Variants in RNFT2 observed in about 807,000 individuals in gnomAD.
RNFT2 encodes E3 ubiquitin-protein ligase RNFT2.
RNFT2 carries 36 observed loss-of-function variants against 53.0 expected under a neutral mutation model. The observed-to-expected ratio is 0.68, with a 90% CI of 0.52 to 0.90. The LOEUF is 0.90. RNFT2 is among the 40% of genes least tolerant of loss of function. The pLI is 0.00. For synonymous variants in RNFT2, 260 were observed against 253.2 expected (o/e 1.03, Z -0.26); for missense variants, 514 against 585.6 (o/e 0.88, Z 1.26).
chr12:116,841,848 TATATATAAAAATATATATATAA>T (rs1877306001), intron 10 of RNFT2, among the ~76,000 whole-genome samples: 1 of 24,130 alleles, frequency 4.1e-5, no homozygotes, highest in Non-Finnish European at 9.6e-5. Flanking sequence ...TATATATAAA[TATATATAAAAATATATATATAA>T]ATATATATAT....
chr12:116,775,548 T>C (rs1434175156), intron 6 of RNFT2, among the ~76,000 whole-genome samples: 1 of 152,208 alleles, frequency 6.6e-6, no homozygotes, highest in African/African-American at 2.4e-5. Context: ...TTCCCAGCTT[T>C]GTGCCCTTGG....
intron 6 of RNFT2, among the ~76,000 whole-genome samples, chr12:116,774,794 G>T (rs193084456): frequency 1.5e-4 from 21 of 142,120 alleles, no homozygotes; most frequent in African/African-American, 5.9e-4. Context: ...AGGGTGGAGG[G>T]GATGGAGGGT....
chr12:116,823,543 G>A (rs994173522), intron 7 of RNFT2, among the ~76,000 whole-genome samples: 1 of 152,134 alleles, frequency 6.6e-6, no homozygotes, highest in African/African-American at 2.4e-5. Flanking sequence ...AATGAGCTGG[G>A]CGCCGTGGCG....
At chr12:116,794,064 G>A (rs763193081) in intron 7 of RNFT2, among the ~76,000 whole-genome samples, 1 of 151,972 alleles carries the variant, frequency 6.6e-6, no homozygotes. Context: ...CTAGGAGTTC[G>A]AGACCAGCCT....
chr12:116,819,828 C>G (rs1299624198), intron 7 of RNFT2, among the ~76,000 whole-genome samples: 11 of 152,194 alleles, frequency 7.2e-5, no homozygotes, highest in Non-Finnish European at 1.6e-4. Flanking sequence ...TGTAATCACT[C>G]AGATCAAAGT....
rs71095599 is a variant in RNFT2, at chr12:116,806,397, T to TATAGATAGATAG, written c.882+27072_882+27083dup. 1.2e-3 allele frequency among the ~76,000 whole-genome samples: 163 copies of TATAGATAGATAG among 131,650 alleles called. 2 individuals are homozygous for TATAGATAGATAG. The highest frequency in any genetic ancestry group is 4.4e-3 in the African/African-American group (146 of 33,424). The allele number at this position is 131,650 out of a possible 152,430, so 86.4% of individuals were successfully genotyped here. ...AAAAAAAAAAATATATATATATATA[T>TATAGATAGATAG]ATAGATAGATAGATAGATAGATAGA... On this transcript the variant is annotated intron_variant, in intron 7 of 10. Transcript: ENST00000257575.
chr12:116,760,315 T>G (rs982167075), intron 5 of RNFT2, among the ~76,000 whole-genome samples: 1 of 152,206 alleles, frequency 6.6e-6, no homozygotes, highest in Admixed American at 6.5e-5. Flanking sequence ...GTGCCGCCGC[T>G]GTGGAGTCTG....
chr12:116,756,265 T>C (rs1328846432), intron 5 of RNFT2, among the ~76,000 whole-genome samples: 2 of 152,190 alleles, frequency 1.3e-5, no homozygotes, highest in African/African-American at 4.8e-5. Context: ...TAGTTGTCCT[T>C]GTAGAGGTTT....
intron 7 of RNFT2, among the ~76,000 whole-genome samples, chr12:116,827,249 A>AGAGAGAGAGAGAGAGAGAG (rs1876391821): frequency 6.7e-6 from 1 of 149,718 alleles, no homozygotes; most frequent in African/African-American, 2.5e-5. Flanking sequence ...GAAAGAAAGA[A>AGAGAGAGAGAGAGAGAGAG]AGGAGTGATT....
intron 5 of RNFT2, among the ~76,000 whole-genome samples, chr12:116,764,571 A>T (rs1047807809): frequency 6.6e-6 from 1 of 152,144 alleles, no homozygotes; most frequent in Non-Finnish European, 1.5e-5. Flanking sequence ...CATCTTCTTT[A>T]TGCAAACTCC....
chr12:116,761,922 C>T (rs145187695), intron 5 of RNFT2, among the ~76,000 whole-genome samples: 2,936 of 152,166 alleles, frequency 0.019, 44 homozygotes, highest in Middle Eastern at 0.058. Context: ...TGCATCCAGG[C>T]CGGTCGCGGT....
At chr12:116,800,863 A>AAAATAT (rs34964792) in intron 7 of RNFT2, among the ~76,000 whole-genome samples, 11 of 42,654 alleles carry the variant, frequency 2.6e-4, no homozygotes, top group African/African-American at 5.5e-4. Context: ...TAAAATAAAA[A>AAAATAT]CCATTTAACA....
At chr12:116,811,299 A>T (rs897448797) in intron 7 of RNFT2, among the ~76,000 whole-genome samples, 1 of 151,938 alleles carries the variant, frequency 6.6e-6, no homozygotes, top group Non-Finnish European at 1.5e-5. Flanking sequence ...GAGGTGATTT[A>T]AAAAATAAAT....
At chr12:116,837,912 A>G (rs1385096676) in intron 10 of RNFT2, among the ~76,000 whole-genome samples, 3 of 152,166 alleles carry the variant, frequency 2.0e-5, no homozygotes, top group African/African-American at 2.4e-5. Context: ...AATTATTCCA[A>G]AATAAAAAGT....
Position 116,749,896 on chromosome 12 carries a change from G to T in RNFT2, c.139G>T (p.Glu47Ter). 1 of 1,589,446 alleles carries T rather than the reference G, an allele frequency of 6.3e-7. No individual in the cohort carries two copies. The highest frequency in any genetic ancestry group is 2.3e-5 in the East Asian group (1 of 43,732). The change falls in exon 4 of 11, where the codon GAG becomes TAG. Residue 47 changes from glutamate (E) to a stop codon, truncating the protein, a stop_gained. Coordinates refer to ENST00000257575, the MANE Select transcript of RNFT2 (RefSeq NM_001382266.1). LOFTEE classifies it high-confidence loss of function. ...GAGTGTGGATGAAGGTGGCGTCTTT[G>T]AGAGTCTGAAGGCAGAGGCAGCCTC... ...EASVDEGGVFESLKAEAASPP... is the reference protein window; with the variant it reads ...EASVDEGGVF
At chr12:116,849,011 G>A (rs1877761166) in intron 10 of RNFT2, among the ~76,000 whole-genome samples, 3 of 151,994 alleles carry the variant, frequency 2.0e-5, no homozygotes, top group Non-Finnish European at 4.4e-5. Flanking sequence ...GTAGAGACTG[G>A]TTTTCACCAT....
chr12:116,819,594 G>A (rs555195000), intron 7 of RNFT2, among the ~76,000 whole-genome samples: 1 of 152,282 alleles, frequency 6.6e-6, no homozygotes, highest in East Asian at 1.9e-4. Context: ...CCAGGAGGGG[G>A]ATTAATGGCT....
intron 7 of RNFT2, among the ~76,000 whole-genome samples, chr12:116,825,013 C>T (rs1317506792): frequency 1.3e-5 from 2 of 152,214 alleles, no homozygotes; most frequent in East Asian, 3.9e-4. Flanking sequence ...ACACCGGGTA[C>T]AGCTTGTCTC....
At chr12:116,842,474 T>A (rs778562038) in intron 10 of RNFT2, among the ~76,000 whole-genome samples, 1 of 152,220 alleles carries the variant, frequency 6.6e-6, no homozygotes, top group Non-Finnish European at 1.5e-5. Context: ...CTCACTGACC[T>A]GTCTGTTTGC....
Sources: allele counts gnomAD v4.1 joint callset (sites outside exome capture counted in the v4.1 genomes callset), GRCh38; gene constraint gnomAD v4.1.1; transcripts MANE v1.5; gene names NCBI Gene and HGNC (gene_info 2026-07-23, HGNC 2026-07-21).